Variants in WDFY4 observed in about 807,000 individuals in gnomAD.
WDFY4 encodes WD repeat- and FYVE domain-containing protein 4.
A neutral mutation model predicts 351.9 loss-of-function variants in WDFY4; 169 were observed. The ratio of observed to expected loss-of-function variants is 0.48; its 90% CI spans 0.42 to 0.55. The LOEUF (loss-of-function observed/expected upper bound fraction) is 0.55, where lower values mean the gene tolerates loss of function less well. WDFY4 is among the 20% of genes least tolerant of loss of function. The pLI, the probability that WDFY4 is intolerant of heterozygous loss-of-function variation, is 0.00. For missense variants in WDFY4, 3,803 were observed against 3,935.6 expected (o/e 0.97, Z 0.90); for synonymous variants, 1,622 against 1,574.6 (o/e 1.03, Z -0.71).
intron 39 of WDFY4, among the ~76,000 whole-genome samples, chr10:48,845,428 C>G (rs564201310): frequency 3.9e-5 from 6 of 152,292 alleles, no homozygotes; most frequent in African/African-American, 1.4e-4. Flanking sequence ...GGAGGTCCTC[C>G]TGCTTCTAGG....
chr10:48,724,188 G>A (rs766157463), intron 5 of WDFY4, among the ~76,000 whole-genome samples: 4 of 152,100 alleles, frequency 2.6e-5, no homozygotes, highest in South Asian at 2.1e-4. Context: ...TGCAGGGGAC[G>A]GTATGGAGGA....
intron 57 of WDFY4, among the ~76,000 whole-genome samples, chr10:48,970,887 G>C (rs1024307707): frequency 6.6e-6 from 1 of 152,212 alleles, no homozygotes; most frequent in South Asian, 2.1e-4. Flanking sequence ...CTGAGGATGT[G>C]CACCACCAGC....
At chr10:48,809,349 T>A (rs1193688798) in intron 28 of WDFY4, among the ~76,000 whole-genome samples, 3 of 142,032 alleles carry the variant, frequency 2.1e-5, no homozygotes, top group Non-Finnish European at 4.5e-5. Flanking sequence ...ATCACCATCA[T>A]CACCACATTA....
intron 39 of WDFY4, among the ~76,000 whole-genome samples, chr10:48,862,712 A>G (rs2069386810): frequency 1.3e-5 from 2 of 152,234 alleles, no homozygotes; most frequent in Non-Finnish European, 2.9e-5. Context: ...CCTCTGGTTC[A>G]TGGAAAAATT....
At chr10:48,910,136 A>G in intron 47 of WDFY4, 1 of 1,144,416 alleles carries the variant, frequency 8.7e-7, no homozygotes, top group Non-Finnish European at 1.3e-6. Context: ...TTTCCAGAAC[A>G]TCTCACTTGC....
chr10:48,761,077 G>A (rs1213695993), intron 13 of WDFY4, among the ~76,000 whole-genome samples: 2 of 152,176 alleles, frequency 1.3e-5, no homozygotes, highest in Admixed American at 1.3e-4. Flanking sequence ...TAGATAAAGG[G>A]TTGGAGGTCA....
At chr10:48,700,484 C>T (rs1037750924) in intron 1 of WDFY4, among the ~76,000 whole-genome samples, 2 of 152,274 alleles carry the variant, frequency 1.3e-5, no homozygotes, top group African/African-American at 4.8e-5. Context: ...CTTCCCGGAA[C>T]TAACCCAGGT....
intron 45 of WDFY4, 65 bp downstream of exon 45, chr10:48,897,639 C>T: frequency 1.3e-6 from 2 of 1,520,374 alleles, no homozygotes; most frequent in African/African-American, 1.4e-5. Context: ...ACAGGTGGTC[C>T]AGGAGCCATC....
Position 48,826,829 on chromosome 10 carries a change from T to A in WDFY4, c.6141T>A (p.Asp2047Glu). ...SILGFLQEHW[D>E]VVFATYNSNI... ...TGGGCTTTCTGCAGGAGCACTGGGA[T>A]GTTGTCTTTGCCACCTACAATTCCA... Residue 2047 changes from aspartate to glutamate, a missense_variant, in exon 36 of 62, where the codon GAT (aspartate) becomes GAA (glutamate). By Grantham distance (45) the Asp-to-Glu change is conservative. Coordinates refer to ENST00000325239, the MANE Select transcript of WDFY4 (RefSeq NM_001394531.1). 1 of 1,551,888 alleles carries A rather than the reference T, an allele frequency of 6.4e-7. No homozygotes were observed. Among genetic ancestry groups the A allele is most frequent in the Non-Finnish European group, 8.7e-7 (1 of 1,147,022 alleles).
Position 48,877,050 on chromosome 10 carries a change from G to C in WDFY4, c.7018G>C (p.Glu2340Gln). 1 of 1,498,534 alleles carries C rather than the reference G, an allele frequency of 6.7e-7. No homozygotes were observed. Among genetic ancestry groups the C allele is most frequent in the Non-Finnish European group, 8.9e-7 (1 of 1,121,588 alleles). The allele number at this position is 1,498,534 out of a possible 1,614,324, so 92.8% of individuals were successfully genotyped here. A position where few individuals can be genotyped will look rare whatever the true frequency, so the allele number is the denominator to read the frequency against. The change falls in exon 43 of 62, where the codon GAG (glutamate) becomes CAG (glutamine). Residue 2340 changes from glutamate to glutamine, a missense_variant. Physicochemically the swap from Glu to Gln is conservative, Grantham distance 29. This residue lies in a region of WDFY4 where 3,054 missense variants were observed against 3,148.6 expected (regional missense o/e 0.97). Coordinates refer to ENST00000325239, the MANE Select transcript of WDFY4 (RefSeq NM_001394531.1). The part of the protein sequence containing the change: ...AENQDELTLR[E>Q]AEGEPDEVGV... The stretch of plus-strand genomic sequence containing the variant: ...TGCTGCAGATGAACTGACACTGAGG[G>C]AGGCTGAGGGCGAGCCGGACGAGGT...
intron 39 of WDFY4, among the ~76,000 whole-genome samples, chr10:48,861,694 T>C (rs2069350275): frequency 6.6e-6 from 1 of 152,214 alleles, no homozygotes; most frequent in African/African-American, 2.4e-5. Context: ...GTCTGTCTTG[T>C]TTGGAATTTG....
At chr10:48,913,732 C>A (rs1464426958) in intron 47 of WDFY4, 2 of 1,612,930 alleles carry the variant, frequency 1.2e-6, no homozygotes, top group East Asian at 2.2e-5. Context: ...TCCTTCAGGG[C>A]CCCCAGTGTG....
chr10:48,717,142 G>T (rs2099726206), intron 2 of WDFY4, among the ~76,000 whole-genome samples: 1 of 152,222 alleles, frequency 6.6e-6, no homozygotes, highest in Admixed American at 6.5e-5. Flanking sequence ...AGGATTAGTG[G>T]AGCTAATGTA....
At chr10:48,931,053 GA>G (rs974611227) in intron 47 of WDFY4, among the ~76,000 whole-genome samples, 25 of 150,160 alleles carry the variant, frequency 1.7e-4, no homozygotes, top group Middle Eastern at 3.4e-3. Context: ...TTTCTAACCA[GA>G]AAAAAAAGGT....
intron 27 of WDFY4, 45 bp downstream of exon 27, chr10:48,806,140 C>A: frequency 1.3e-6 from 2 of 1,533,474 alleles, no homozygotes; most frequent in Non-Finnish European, 8.8e-7. Context: ...ACGGCCCTCA[C>A]GGAACCCCTG....
At chr10:48,892,639 A>G (rs775529512) in intron 44 of WDFY4, among the ~76,000 whole-genome samples, 3 of 152,236 alleles carry the variant, frequency 2.0e-5, no homozygotes, top group Non-Finnish European at 2.9e-5. Flanking sequence ...TATTTTGACC[A>G]TGGAGATTAA....
chr10:48,820,234 G>C lies in WDFY4; in HGVS notation c.5506G>C (p.Gly1836Arg). 1 of 1,551,660 alleles carries C rather than the reference G, an allele frequency of 6.4e-7. No homozygotes were observed. The highest frequency in any genetic ancestry group is 8.7e-7 in the Non-Finnish European group (1 of 1,146,980). The stretch of plus-strand genomic sequence containing the variant: ...ATGTTGGGGTTCTCTTGTCTTTGAG[G>C]GGGTTGGGGCTGAGTCCACCCGGAA... ...IAAFPLGAQK[G>R]VGAESTRNTS... Residue 1836 changes from glycine to arginine, a missense_variant and splice_region_variant, in exon 33 of 62, where the codon GGG (glycine) becomes CGG (arginine). Coordinates refer to ENST00000325239, the MANE Select transcript of WDFY4 (RefSeq NM_001394531.1).
chr10:48,915,147 C>T (rs1838395791), intron 47 of WDFY4, among the ~76,000 whole-genome samples: 1 of 152,168 alleles, frequency 6.6e-6, no homozygotes, highest in Admixed American at 6.5e-5. Flanking sequence ...CCTTACAGAG[C>T]TATGAGGGGG....
At chr10:48,688,696 G>T (rs1049426182) in intron 1 of WDFY4, among the ~76,000 whole-genome samples, 1 of 152,202 alleles carries the variant, frequency 6.6e-6, no homozygotes, top group Non-Finnish European at 1.5e-5. Flanking sequence ...AAGACTATCA[G>T]TTCAGAGGCT....
Sources: gnomAD v4.1 joint callset for allele counts (sites outside exome capture counted in the v4.1 genomes callset) on GRCh38, gnomAD v4.1.1 for gene constraint, gnomAD v4.1.1 regional missense constraint, MANE v1.5 for transcripts, NCBI Gene and HGNC (gene_info 2026-07-23, HGNC 2026-07-21) for gene names.